The following PKHD1 variants were observed in gnomAD, a reference collection of about 807,000 sequenced individuals.
PKHD1 encodes PKHD1 ciliary IPT domain containing fibrocystin/polyductin, also known as fibrocystin.
Under a neutral mutation model 412.0 loss-of-function variants are expected in PKHD1, and 291 were observed. The ratio of observed to expected loss-of-function variants is 0.71; its 90% CI spans 0.64 to 0.78. The LOEUF (loss-of-function observed/expected upper bound fraction) is 0.78, where lower values mean the gene tolerates loss of function less well. Ranked by LOEUF, PKHD1 falls within the 30% of genes least tolerant of loss-of-function variation. PKHD1 has a pLI of 0.00. For synonymous variants in PKHD1, 1,777 were observed against 1,821.5 expected (o/e 0.98, Z 0.62); for missense variants, 4,825 against 4,950.7 (o/e 0.97, Z 0.76).
At chr6:51,653,144 T>C (rs1209663358) in intron 61 of PKHD1, among the ~76,000 whole-genome samples, 6 of 152,134 alleles carry the variant, frequency 3.9e-5, no homozygotes, top group African/African-American at 1.2e-4. Flanking sequence ...CACTGTGAGA[T>C]ATGCAAAGAT....
chr6:51,779,456 A>C (rs765615814), intron 53 of PKHD1, among the ~76,000 whole-genome samples: 3 of 152,088 alleles, frequency 2.0e-5, no homozygotes, highest in African/African-American at 4.8e-5. Context: ...CAATACTTCT[A>C]AAACTATACT....
chr6:51,693,444 A>G (rs534382594), intron 60 of PKHD1, among the ~76,000 whole-genome samples: 1 of 152,342 alleles, frequency 6.6e-6, no homozygotes, highest in Admixed American at 6.5e-5. Flanking sequence ...TTTACCTAGA[A>G]CTGACCATGT....
At chr6:51,995,227 A>G (rs1290233106) in intron 35 of PKHD1, among the ~76,000 whole-genome samples, 3 of 152,230 alleles carry the variant, frequency 2.0e-5, no homozygotes, top group Non-Finnish European at 4.4e-5. Context: ...CTTACCTGCC[A>G]TCAGGCCACA....
intron 43 of PKHD1, among the ~76,000 whole-genome samples, chr6:51,900,529 A>G (rs1781065066): frequency 6.6e-6 from 1 of 152,260 alleles, no homozygotes; most frequent in African/African-American, 2.4e-5. Context: ...TTCAAGATGG[A>G]TTAAAGACTT....
rs956347948 is a variant in PKHD1, at chr6:51,618,387, T to C, written c.*694A>G. 3.3e-5 allele frequency: 5 copies of C among 152,276 alleles called. No homozygotes were observed. Among genetic ancestry groups the C allele is most frequent in the African/African-American group, 1.2e-4 (5 of 41,428 alleles). The allele number at this position is 152,276 out of a possible 1,614,324, so 9.4% of individuals were successfully genotyped here. ...ATTTCCTTTCCCAAATTTGGCATTT[T>C]TACATCTTTGTCCTTAACTAAACTC... is the stretch of plus-strand genomic sequence containing the variant. On this transcript the variant is annotated 3_prime_UTR_variant, in exon 67 of 67. Coordinates refer to ENST00000371117, the MANE Select transcript of PKHD1 (RefSeq NM_138694.4).
chr6:51,963,657 T>G (rs1792392717), intron 35 of PKHD1, among the ~76,000 whole-genome samples: 1 of 152,008 alleles, frequency 6.6e-6, no homozygotes, highest in Non-Finnish European at 1.5e-5. Flanking sequence ...AAATGCTCCA[T>G]GAAACAGTGA....
At chr6:52,003,596 T>A (rs573436486) in intron 35 of PKHD1, among the ~76,000 whole-genome samples, 2 of 152,300 alleles carry the variant, frequency 1.3e-5, no homozygotes, top group South Asian at 4.2e-4. Flanking sequence ...AGGACCTCTT[T>A]ATTGCGGTAT....
intron 37 of PKHD1, among the ~76,000 whole-genome samples, chr6:51,930,922 G>C (rs1786470768): frequency 6.6e-6 from 1 of 152,190 alleles, no homozygotes; most frequent in Admixed American, 6.5e-5. Context: ...GTTACCACAT[G>C]ATCTCCAAGG....
In PKHD1 at chr6:51,909,291, G is replaced by A. The variant is rs919228728; in HGVS notation, c.6674C>T (p.Ala2225Val). The change falls in exon 40 of 67, where the codon GCT becomes GTT. Residue 2225 changes from alanine (A) to valine (V), a missense_variant. By Grantham distance (64) the Ala-to-Val change is moderately conservative. Transcript: ENST00000371117. ...GGTCCGGACCCCCTTACCTCTCATA[G>A]CTCCCACCAGAGTGAGTGAGCTCAG... is the stretch of plus-strand genomic sequence containing the variant. ...KHLSSLTLVGAMRESFIQGCT... is the reference protein window; with the variant it reads ...KHLSSLTLVGVMRESFIQGCT... 1 of 1,613,024 alleles carries A rather than the reference G, an allele frequency of 6.2e-7. No individual in the cohort carries two copies. Among genetic ancestry groups the A allele is most frequent in the Non-Finnish European group, 8.5e-7 (1 of 1,179,254 alleles).
chr6:51,684,442 G>C (rs1365275118), intron 60 of PKHD1, among the ~76,000 whole-genome samples: 1 of 152,002 alleles, frequency 6.6e-6, no homozygotes, highest in East Asian at 1.9e-4. Flanking sequence ...ATACAGAGAG[G>C]CAATGAACAA....
chr6:52,084,783 T>C, intron 2 of PKHD1, 99 bp downstream of exon 2: 2 of 826,844 alleles, frequency 2.4e-6, no homozygotes, highest in Non-Finnish European at 4.3e-6. Flanking sequence ...CATATATTTA[T>C]GGTATACAAC....
At chr6:51,874,753 T>A (rs947872206) in intron 46 of PKHD1, among the ~76,000 whole-genome samples, 9 of 147,106 alleles carry the variant, frequency 6.1e-5, no homozygotes, top group Non-Finnish European at 8.9e-5. Context: ...ATGTTGAAAC[T>A]CCGTCTGTAC....
rs947308678 is a variant in PKHD1, at chr6:52,077,128, G to A, written c.391-795C>T. 3.9e-5 allele frequency among the ~76,000 whole-genome samples: 6 copies of A among 152,286 alleles called. No homozygotes were observed. The East Asian group carries it at 1.2e-3, about 29-fold the overall frequency. On this transcript the variant is annotated intron_variant, in intron 5 of 66. Coordinates refer to ENST00000371117, the MANE Select transcript of PKHD1 (RefSeq NM_138694.4). ...CTGCTGTGTCTCTGTGCATAGACTGGTATGCAGACGACATTCGAATTTTTG... is the reference window on the plus strand; with the variant it reads ...CTGCTGTGTCTCTGTGCATAGACTGATATGCAGACGACATTCGAATTTTTG...
At chr6:51,934,933 G>A (rs1378017304) in intron 36 of PKHD1, among the ~76,000 whole-genome samples, 1 of 152,156 alleles carries the variant, frequency 6.6e-6, no homozygotes, top group Non-Finnish European at 1.5e-5. Context: ...GAAATATGGA[G>A]CAAAAGGGAA....
rs1481812963 is a variant in PKHD1, at chr6:51,632,722, TC to T, written c.11507del (p.Gly3836GlufsTer16). 6.2e-7 allele frequency: 1 copy of T among 1,612,354 alleles called. No individual in the cohort carries two copies. Among genetic ancestry groups the T allele is most frequent in the Admixed American group, 1.7e-5 (1 of 59,926 alleles). On this transcript the variant is annotated frameshift_variant and splice_region_variant, in exon 65 of 67. Transcript: ENST00000371117. LOFTEE classifies it high-confidence loss of function. ...GCTTGGATCGAGCTGTAAAATTGAC[TC>T]CTGTGGCGGGGAAAAGAAGATGTTT... Reference protein sequence around the residue: ...HFIFTVTSPPGVNFTARSKPF... With the variant: ...HFIFTVTSPPXVNFTARSKPF...
Position 52,017,392 on chromosome 6 carries a change from G to T in PKHD1, c.5600+18C>A. On this transcript the variant is annotated intron_variant, in intron 34 of 66. Transcript: ENST00000371117. ...AAGCATTTGTGGGGAAGTTCAGGGAGGGAGAAGGTAAAGTTACCTGATAAA... is the reference window on the plus strand; with the variant it reads ...AAGCATTTGTGGGGAAGTTCAGGGATGGAGAAGGTAAAGTTACCTGATAAA... The T allele has an allele frequency of 6.5e-7, 1 of 1,535,094 alleles. No individual in the cohort carries two copies. Among genetic ancestry groups the T allele is most frequent in the Non-Finnish European group, 9.0e-7 (1 of 1,107,954 alleles).
At chr6:51,949,264 A>G (rs1789938646) in intron 36 of PKHD1, among the ~76,000 whole-genome samples, 1 of 152,186 alleles carries the variant, frequency 6.6e-6, no homozygotes, top group South Asian at 2.1e-4. Context: ...CAATTATTAA[A>G]TAGTCAAATG....
intron 48 of PKHD1, among the ~76,000 whole-genome samples, chr6:51,866,827 C>T (rs763733456): frequency 6.6e-6 from 1 of 152,158 alleles, no homozygotes; most frequent in South Asian, 2.1e-4. Context: ...TCATGCTCTG[C>T]ACAATCAAAA....
In PKHD1 at chr6:51,847,679, T is replaced by G. The variant is rs6930480; in HGVS notation, c.8107+96A>C. On this transcript the variant is annotated intron_variant, in intron 50 of 66. Coordinates refer to ENST00000371117, the MANE Select transcript of PKHD1 (RefSeq NM_138694.4). Reference sequence around the variant, plus strand: ...ATAACACACAGCTGTCCCTTTCAGTTCCTCAGCACTTCACAGCACAAATGT... The same window carrying G: ...ATAACACACAGCTGTCCCTTTCAGTGCCTCAGCACTTCACAGCACAAATGT... 1.7e-4 allele frequency: 157 copies of G among 914,488 alleles called. No homozygotes were observed. In the African/African-American group the frequency reaches 2.1e-3, roughly 12 times the overall value. 56.6% of individuals were successfully genotyped at this position (914,488 alleles called of 1,614,324 possible).
Sources: gnomAD v4.1 joint callset for allele counts (sites outside exome capture counted in the v4.1 genomes callset) on GRCh38, gnomAD v4.1.1 for gene constraint, MANE v1.5 for transcripts, NCBI Gene and HGNC (gene_info 2026-07-23, HGNC 2026-07-21) for gene names.